The following B9D1 variants were observed in gnomAD, a reference collection of about 807,000 sequenced individuals.
B9D1 encodes the protein B9 domain-containing protein 1.
In B9D1, 20 loss-of-function variants were observed where a neutral mutation model predicts 26.1. The observed-to-expected ratio is 0.77, with a 90% CI of 0.54 to 1.12. The LOEUF (loss-of-function observed/expected upper bound fraction) is 1.12, where lower values mean the gene tolerates loss of function less well. Ranked by LOEUF, B9D1 falls within the 50% of genes most tolerant of loss-of-function variation. B9D1 has a pLI of 0.00. For missense variants in B9D1, 260 were observed against 273.7 expected (o/e 0.95, Z 0.35); for synonymous variants, 105 against 103.1 (o/e 1.02, Z -0.11).
intron 1 of B9D1, among the ~76,000 whole-genome samples, chr17:19,369,696 T>C (rs2152283295): frequency 6.6e-6 from 1 of 152,288 alleles, no homozygotes; most frequent in African/African-American, 2.4e-5. Context: ...ACAGGATGCA[T>C]GCACTACTCG....
chr17:19,353,099 C>T (rs12942724), intron 3 of B9D1, among the ~76,000 whole-genome samples: 1 of 151,198 alleles, frequency 6.6e-6, no homozygotes, highest in Non-Finnish European at 1.5e-5. Context: ...CCTCACCCTC[C>T]TGAGTAGCTG....
intron 3 of B9D1, among the ~76,000 whole-genome samples, chr17:19,349,015 G>C (rs1909236022): frequency 6.6e-6 from 1 of 152,122 alleles, no homozygotes; most frequent in Non-Finnish European, 1.5e-5. Context: ...ACACATCTCT[G>C]GTGGGCACAC....
At chr17:19,362,757 GC>G, upstream of B9D1, 1 of 1,505,006 alleles carries the variant, frequency 6.6e-7, no homozygotes, top group Middle Eastern at 1.8e-4. Context: ...TTATAAGGGG[GC>G]GGGGCACAAG....
chr17:19,360,333 C>T lies in B9D1; in HGVS notation c.119G>A (p.Trp40Ter). Residue 40 changes from tryptophan to a stop codon, truncating the protein, a stop_gained, in exon 2 of 7, where the codon TGG (tryptophan) becomes TAG (stop). Coordinates refer to ENST00000261499, the MANE Select transcript of B9D1 (RefSeq NM_015681.6). LOFTEE classifies it high-confidence loss of function. ...AGTCCAGCTTACCGCTGTGGGGGCCCAGTCCTGGCCGTACACAAAGCAGTA... is the reference window on the plus strand; with the variant it reads ...AGTCCAGCTTACCGCTGTGGGGGCCTAGTCCTGGCCGTACACAAAGCAGTA... ...CKYCFVYGQD[W>*]APTAGLEEGI... The T allele has an allele frequency of 6.2e-7, 1 of 1,613,956 alleles. No homozygotes were observed. Among genetic ancestry groups the T allele is most frequent in the South Asian group, 1.1e-5 (1 of 91,078 alleles).
intron 1 of B9D1, among the ~76,000 whole-genome samples, chr17:19,374,374 CA>C (rs1912016314): frequency 6.6e-6 from 1 of 152,188 alleles, no homozygotes; most frequent in Non-Finnish European, 1.5e-5. Context: ...CAAATCTCCC[CA>C]TTTTTGACAG....
downstream of B9D1, among the ~76,000 whole-genome samples, chr17:19,337,301 G>A (rs1305519495): frequency 1.3e-5 from 2 of 152,208 alleles, no homozygotes; most frequent in East Asian, 3.9e-4. Flanking sequence ...CGAGGGCAGC[G>A]GCGGGAGGAC....
intron 2 of B9D1, 122 bp from the exon 3 acceptor site, chr17:19,358,073 G>T (rs2152274078): frequency 1.4e-6 from 1 of 736,044 alleles, no homozygotes. Flanking sequence ...CCCAAGACAC[G>T]AACTTCCAAA....
At chr17:19,335,531 G>GGAA, downstream of B9D1, 1 of 1,503,530 alleles carries the variant, frequency 6.7e-7, no homozygotes, top group Non-Finnish European at 9.0e-7. Context: ...GGGATAATGT[G>GGAA]GAAATGGCAG....
chr17:19,358,889 AC>A (rs1910692134), intron 2 of B9D1, among the ~76,000 whole-genome samples: 1 of 152,198 alleles, frequency 6.6e-6, no homozygotes, highest in Non-Finnish European at 1.5e-5. Context: ...CTTAACCCAC[AC>A]CAGGCTGAGC....
At position 19,359,017 on chromosome 17, in the gene B9D1, C is replaced by T. The variant is rs986011330; in HGVS notation, c.133-1066G>A. On this transcript the variant is annotated intron_variant, in intron 2 of 6. Transcript: ENST00000261499. The surrounding 1 kb of genome is among the most constrained non-coding windows in gnomAD (Gnocchi z 5.0). ...CTCCTCCTTCTCTCAGACCTCACAT[C>T]CATCAAAAGAACCCAGCGGCTCTAT... 4.6e-5 allele frequency among the ~76,000 whole-genome samples: 7 copies of T among 152,304 alleles called. No homozygotes were observed. The highest frequency in any genetic ancestry group is 3.3e-4 in the Admixed American group (5 of 15,300).
chr17:19,341,334 A>G (rs1322119497), downstream of B9D1: 1 of 1,231,456 alleles, frequency 8.1e-7, no homozygotes, highest in African/African-American at 1.6e-5. Context: ...TAGCTGTGAT[A>G]AAATGGGGCA....
At chr17:19,364,024 CTT>C (rs1192581790), upstream of B9D1, among the ~76,000 whole-genome samples, 1 of 152,232 alleles carries the variant, frequency 6.6e-6, no homozygotes, top group African/African-American at 2.4e-5. The surrounding 1 kb of genome is among the most constrained non-coding windows in gnomAD (Gnocchi z 4.3). Flanking sequence ...CTGTCCATCT[CTT>C]TCCAGTTAAA....
At position 19,343,281 on chromosome 17, in the gene B9D1, G is replaced by A. The variant is rs777925046; in HGVS notation, c.*38C>T. 5 of 1,613,366 alleles carry A rather than the reference G, an allele frequency of 3.1e-6. No homozygotes were observed. Among genetic ancestry groups the A allele is most frequent in the Non-Finnish European group, 4.2e-6 (5 of 1,179,888 alleles). ...GGCAGCGGCTGACTTCGGGAAGGCA[G>A]CCCTTCATTATCAGAGACTGTGCAG... On this transcript the variant is annotated 3_prime_UTR_variant, in exon 7 of 7. Coordinates refer to ENST00000261499, the MANE Select transcript of B9D1 (RefSeq NM_015681.6).
rs752872131 is a variant in B9D1 at position 19,347,735 on chromosome 17, T to C, written c.341+49A>G. The C allele has an allele frequency of 6.4e-7, 1 of 1,564,824 alleles. No homozygotes were observed. Among genetic ancestry groups the C allele is most frequent in the East Asian group, 2.2e-5 (1 of 44,470 alleles). On this transcript the variant is annotated intron_variant, in intron 4 of 6. Transcript: ENST00000261499. This position sits in a 1 kb window ranked among gnomAD's most constrained non-coding sequence, Gnocchi z 4.3. ...CTAAGACAGAAAACGAGGTGAAGTC[T>C]GTCCTAGGACAAGTCCTGCCCAGGG... is the stretch of plus-strand genomic sequence containing the variant.
At chr17:19,354,491 A>G (rs1910064440) in intron 3 of B9D1, among the ~76,000 whole-genome samples, 1 of 152,236 alleles carries the variant, frequency 6.6e-6, no homozygotes, top group Non-Finnish European at 1.5e-5. Context: ...GTACTATTCA[A>G]TGGATTTTGA....
chr17:19,340,328 G>T (rs1907820635), downstream of B9D1, among the ~76,000 whole-genome samples: 1 of 151,864 alleles, frequency 6.6e-6, no homozygotes, highest in Non-Finnish European at 1.5e-5. Flanking sequence ...CCGCCACCAT[G>T]CCTGGCTAAC....
downstream of B9D1, chr17:19,341,399 C>G: frequency 9.2e-7 from 1 of 1,090,502 alleles, no homozygotes; most frequent in African/African-American, 1.6e-5. Context: ...TCCCATGACA[C>G]GTGGGGCACA....
intron 3 of B9D1, among the ~76,000 whole-genome samples, chr17:19,356,978 C>T (rs1482798192): frequency 6.6e-6 from 1 of 152,210 alleles, no homozygotes; most frequent in African/African-American, 2.4e-5. Flanking sequence ...AGGAGGACCA[C>T]CAAGCATTTT....
intron 5 of B9D1, among the ~76,000 whole-genome samples, chr17:19,344,285 C>G (rs954588000): frequency 6.6e-6 from 1 of 152,170 alleles, no homozygotes; most frequent in African/African-American, 2.4e-5. Flanking sequence ...GAAGGGGGTC[C>G]CACCCCAGAG....
Sources: allele counts gnomAD v4.1 joint callset (sites outside exome capture counted in the v4.1 genomes callset), GRCh38; gene constraint gnomAD v4.1.1; non-coding constraint Gnocchi (gnomAD v3.1); transcripts MANE v1.5; gene names NCBI Gene and HGNC (gene_info 2026-07-23, HGNC 2026-07-21).